DARS1: variants seen among roughly 807,000 people sequenced by gnomAD.
DARS1 encodes the protein aspartyl-tRNA synthetase 1.
DARS1 carries 51 observed loss-of-function variants against 68.8 expected under a neutral mutation model. The observed-to-expected ratio is 0.74, with a 90% CI of 0.59 to 0.94. DARS1 has a LOEUF of 0.94. DARS1 is among the 40% of genes least tolerant of loss of function. The pLI is 0.00. For missense variants in DARS1, 607 were observed against 597.3 expected (o/e 1.02, Z -0.17); for synonymous variants, 203 against 190.4 (o/e 1.07, Z -0.55).
chr2:135,961,316 T>C lies in DARS1; in HGVS notation c.320+80A>G, dbSNP rs191462947. The C allele has an allele frequency of 2.7e-5, 21 of 770,786 alleles. No homozygotes were observed. The East Asian group carries it at 5.4e-4, about 20-fold the overall frequency. The allele number at this position is 770,786 out of a possible 1,614,324, so 47.7% of individuals were successfully genotyped here. On this transcript the variant is annotated intron_variant, in intron 4 of 15. Transcript: ENST00000264161. ...AACAAACGAAGCATTGATGTTAATG[T>C]ATGAAAATGGTCCAAACCCCTGGGA... is the stretch of plus-strand genomic sequence containing the variant.
Position 135,961,314 on chromosome 2 carries a change from T to C in DARS1, c.320+82A>G, listed in dbSNP as rs77707512. 350 of 757,506 alleles carry C rather than the reference T, an allele frequency of 4.6e-4. 5 individuals are homozygous for C. In the East Asian group the frequency reaches 6.5e-3, roughly 14 times the overall value. 46.9% of individuals were successfully genotyped at this position (757,506 alleles called of 1,614,324 possible). On this transcript the variant is annotated intron_variant, in intron 4 of 15. Transcript: ENST00000264161. ...TAAACAAACGAAGCATTGATGTTAA[T>C]GTATGAAAATGGTCCAAACCCCTGG...
chr2:135,925,123 C>T lies in DARS1; in HGVS notation c.565-625G>A, dbSNP rs1435342651. On this transcript the variant is annotated intron_variant, in intron 7 of 15. Coordinates refer to ENST00000264161, the MANE Select transcript of DARS1 (RefSeq NM_001349.4). The stretch of plus-strand genomic sequence containing the variant: ...TTCTTTCTATTCTCTCTCTTTCCCT[C>T]CTTTCTTTCTCAGTTTCTCTGGTCC... Among the ~76,000 whole-genome samples the T allele has an allele frequency of 2.0e-5, 3 of 152,214 alleles. No individual in the cohort carries two copies. In the East Asian group the frequency reaches 5.8e-4, roughly 29 times the overall value.
At chr2:135,954,818 A>G (rs1433489147) in intron 4 of DARS1, among the ~76,000 whole-genome samples, 1 of 152,170 alleles carries the variant, frequency 6.6e-6, no homozygotes, top group African/African-American at 2.4e-5. Flanking sequence ...GAGGAAGAGT[A>G]GCCCATCATT....
Position 135,913,529 on chromosome 2 carries a change from G to A in DARS1, c.1149+940C>T, listed in dbSNP as rs965251111. Among the ~76,000 whole-genome samples, 6 of 152,068 alleles carry A rather than the reference G, an allele frequency of 3.9e-5. No homozygotes were observed. The South Asian group carries it at 8.3e-4, about 21-fold the overall frequency. On this transcript the variant is annotated intron_variant, in intron 12 of 15. Transcript: ENST00000264161. ...CCCAGCACTTTGGGAGGCCAAGGTA[G>A]GTGAATCACCTGAGGTCAGGAGTTC... is the stretch of plus-strand genomic sequence containing the variant.
At chr2:135,953,001 A>G (rs1681877036) in intron 4 of DARS1, among the ~76,000 whole-genome samples, 1 of 152,202 alleles carries the variant, frequency 6.6e-6, no homozygotes, top group Non-Finnish European at 1.5e-5. Context: ...CCAATAGTGT[A>G]TGAGGGGTTT....
chr2:135,973,205 A>C (rs1224473234), intron 3 of DARS1, among the ~76,000 whole-genome samples: 2 of 152,196 alleles, frequency 1.3e-5, no homozygotes, highest in Non-Finnish European at 2.9e-5. Flanking sequence ...GATAAAGAAA[A>C]TGTGCTACAT....
At chr2:135,926,742 G>T (rs768672760) in intron 7 of DARS1, among the ~76,000 whole-genome samples, 2 of 152,146 alleles carry the variant, frequency 1.3e-5, no homozygotes, top group African/African-American at 2.4e-5. Flanking sequence ...CACATTGTGC[G>T]AGCGAATTCA....
At chr2:135,926,590 GAATT>G (rs1367780053) in intron 7 of DARS1, among the ~76,000 whole-genome samples, 1 of 152,086 alleles carries the variant, frequency 6.6e-6, no homozygotes, top group Middle Eastern at 3.4e-3. Flanking sequence ...GATGGGAAAA[GAATT>G]AAACAAAAAG....
intron 3 of DARS1, among the ~76,000 whole-genome samples, chr2:135,975,308 G>A (rs1381348910): frequency 1.3e-5 from 2 of 152,112 alleles, no homozygotes; most frequent in African/African-American, 4.8e-5. Flanking sequence ...CTGTGCCACT[G>A]CACTCCAGCC....
Position 135,985,564 on chromosome 2 carries a change from C to G in DARS1, c.-96G>C. 6.3e-7 allele frequency: 1 copy of G among 1,594,948 alleles called. No homozygotes were observed. ...CTCCCTCCCTCCCAGTCTCCGCCCT[C>G]CCGACCCTGGGGTCTCAGCACACGC... On this transcript the variant is annotated 5_prime_UTR_variant, in exon 1 of 16. Transcript: ENST00000264161.
At chr2:135,971,407 C>A (rs1435724794) in intron 3 of DARS1, among the ~76,000 whole-genome samples, 1 of 152,050 alleles carries the variant, frequency 6.6e-6, no homozygotes, top group Non-Finnish European at 1.5e-5. Context: ...ATGATAAAAA[C>A]CCCCCAAAAA....
intron 4 of DARS1, among the ~76,000 whole-genome samples, chr2:135,950,877 G>T (rs1575398381): frequency 6.6e-6 from 1 of 152,144 alleles, no homozygotes; most frequent in East Asian, 1.9e-4. Context: ...GGAGTTTGTA[G>T]GGTGTTTGTG....
intron 3 of DARS1, 109 bp from the exon 4 acceptor site, chr2:135,961,607 A>T: frequency 2.9e-6 from 2 of 700,988 alleles, no homozygotes. Context: ...TACTATACTC[A>T]TCAGGCACGC....
intron 6 of DARS1, 33 bp downstream of exon 6, chr2:135,933,877 G>T: frequency 6.3e-7 from 1 of 1,598,030 alleles, no homozygotes; most frequent in Non-Finnish European, 8.5e-7. Flanking sequence ...AATATACAGC[G>T]GAAGCATAAT....
chr2:135,924,026 G>GT (rs1261129098), intron 8 of DARS1, among the ~76,000 whole-genome samples: 3 of 152,164 alleles, frequency 2.0e-5, no homozygotes, highest in African/African-American at 7.2e-5. Context: ...CCCATCATTA[G>GT]TATTTACTGA....
chr2:135,929,416 T>C (rs1286680242), intron 7 of DARS1, among the ~76,000 whole-genome samples: 2 of 152,210 alleles, frequency 1.3e-5, no homozygotes, highest in Non-Finnish European at 2.9e-5. Flanking sequence ...GTACTTAATA[T>C]TTTCCTTTAA....
rs191854103 is a variant in DARS1, at chr2:135,975,543, C to T, written c.217+3731G>A. Among the ~76,000 whole-genome samples, 11 of 152,042 alleles carry T rather than the reference C, an allele frequency of 7.2e-5. No homozygotes were observed. In the East Asian group the frequency reaches 1.7e-3, roughly 24 times the overall value. On this transcript the variant is annotated intron_variant, in intron 3 of 15. Coordinates refer to ENST00000264161, the MANE Select transcript of DARS1 (RefSeq NM_001349.4). The stretch of plus-strand genomic sequence containing the variant: ...GTACAGTGGCTGAAGCCTGTAATCC[C>T]AGCACTTTGGGAGGTCGAGGTAGGC...
At chr2:135,911,683 T>C (rs1680900048) in intron 13 of DARS1, 190 bp from the exon 14 acceptor site, 2 of 477,008 alleles carry the variant, frequency 4.2e-6, no homozygotes, top group South Asian at 6.4e-5. Flanking sequence ...TATCAGATTC[T>C]GTGCTCTCCT....
intron 6 of DARS1, 21 bp from the exon 7 acceptor site, chr2:135,932,863 A>C: frequency 8.9e-7 from 1 of 1,117,756 alleles, no homozygotes; most frequent in Non-Finnish European, 1.3e-6. Context: ...AAAAAAAGAA[A>C]AGAAAAAAAT....
Sources: gnomAD v4.1 joint callset for allele counts (sites outside exome capture counted in the v4.1 genomes callset) on GRCh38, gnomAD v4.1.1 for gene constraint, MANE v1.5 for transcripts, NCBI Gene and HGNC (gene_info 2026-07-23, HGNC 2026-07-21) for gene names.